PRKACB: variants seen among roughly 807,000 people sequenced by gnomAD.
PRKACB encodes cAMP-dependent protein kinase catalytic subunit beta.
In PRKACB, 16 loss-of-function variants were observed where a neutral mutation model predicts 51.4. The observed-to-expected ratio is 0.31, with a 90% CI of 0.21 to 0.47. The LOEUF is 0.47. Ranked by LOEUF, PRKACB falls within the 20% of genes least tolerant of loss-of-function variation. The pLI, the probability that PRKACB is intolerant of heterozygous loss-of-function variation, is 1.00. For missense variants in PRKACB, 309 were observed against 464.5 expected, an observed-to-expected ratio of 0.67 and a Z score of 3.08; for synonymous variants, 147 against 154.4, an observed-to-expected ratio of 0.95 and a Z score of 0.35.
chr1:84,214,055 T>C, intron 8 of PRKACB, 98 bp from the exon 9 acceptor site: 1 of 1,269,706 alleles, frequency 7.9e-7, no homozygotes, highest in Non-Finnish European at 1.1e-6. Context: ...TTTGTTTATA[T>C]AATGGCTTGT....
chr1:84,206,601 T>C (rs1671375433), intron 8 of PRKACB, among the ~76,000 whole-genome samples: 1 of 152,202 alleles, frequency 6.6e-6, no homozygotes, highest in South Asian at 2.1e-4. Flanking sequence ...AAATTTTATC[T>C]ACCAGCAACA....
intron 1 of PRKACB, among the ~76,000 whole-genome samples, chr1:84,084,332 G>C (rs1164242201): frequency 6.6e-6 from 1 of 152,106 alleles, no homozygotes. Context: ...AGGAAGAGGG[G>C]ACATTGTATA....
chr1:84,200,501 G>A (rs962607461), intron 7 of PRKACB, among the ~76,000 whole-genome samples: 1 of 152,144 alleles, frequency 6.6e-6, no homozygotes, highest in Non-Finnish European at 1.5e-5. Context: ...GATCCCACTT[G>A]ACAGTGTTTG....
At position 84,162,513 on chromosome 1, in the gene PRKACB, A is replaced by G. The variant is rs1323736122; in HGVS notation, c.188-16664A>G. Among the ~76,000 whole-genome samples the G allele has an allele frequency of 3.3e-5, 5 of 151,988 alleles. No homozygotes were observed. In the East Asian group the frequency reaches 9.7e-4, roughly 29 times the overall value. On this transcript the variant is annotated intron_variant, in intron 1 of 9. Transcript: ENST00000370685. ...GTGTTCTTCCGACTGGATGATTTCC[A>G]TTGATCTATCTTCCAGTTCACTGAT...
At chr1:84,132,759 A>G (rs1025506037) in intron 1 of PRKACB, among the ~76,000 whole-genome samples, 1 of 152,212 alleles carries the variant, frequency 6.6e-6, no homozygotes, top group Non-Finnish European at 1.5e-5. Context: ...AGGCTTATCA[A>G]TAGAATGGGC....
upstream of PRKACB, chr1:84,144,197 A>C (rs1653722047): frequency 7.6e-7 from 1 of 1,315,512 alleles, no homozygotes; most frequent in Non-Finnish European, 9.9e-7. Context: ...AAAGCTCAGT[A>C]ATGTGCTGTT....
intron 1 of PRKACB, among the ~76,000 whole-genome samples, chr1:84,108,926 G>A (rs1649995295): frequency 6.6e-6 from 1 of 151,912 alleles, no homozygotes; most frequent in African/African-American, 2.4e-5. Context: ...CAATTCAAGG[G>A]TAACCATTCT....
At chr1:84,085,909 A>G (rs1647939279) in intron 1 of PRKACB, 1 of 656,262 alleles carries the variant, frequency 1.5e-6, no homozygotes, top group African/African-American at 1.8e-5. Flanking sequence ...CACCACCAGC[A>G]TCTCCTCAAT....
intron 1 of PRKACB, among the ~76,000 whole-genome samples, chr1:84,122,866 A>G (rs895828812): frequency 2.6e-5 from 4 of 152,208 alleles, no homozygotes; most frequent in Non-Finnish European, 4.4e-5. Context: ...TTTCTGGTAC[A>G]TTACACTTTT....
intron 5 of PRKACB, 62 bp from the exon 6 acceptor site, chr1:84,196,554 T>C: frequency 6.6e-7 from 1 of 1,505,420 alleles, no homozygotes; most frequent in Non-Finnish European, 9.0e-7. Context: ...TTATGCATAA[T>C]CTACTAATTA....
Position 84,214,237 on chromosome 1 carries a change from A to T in PRKACB, c.991A>T (p.Asn331Tyr). 1 of 1,613,706 alleles carries T rather than the reference A, an allele frequency of 6.2e-7. No homozygotes were observed. Among genetic ancestry groups the T allele is most frequent in the Non-Finnish European group, 8.5e-7 (1 of 1,179,806 alleles). ...LQVDLTKRFG[N>Y]LKNGVSDIKT... ...GGTGGATTTGACCAAGAGATTTGGA[A>T]ATCTAAAGAATGGTGTCAGTGATAT... The change falls in exon 9 of 10, where the codon AAT (asparagine) becomes TAT (tyrosine). Residue 331 changes from asparagine (N) to tyrosine (Y), a missense_variant. By Grantham distance (143) the Asn-to-Tyr change is moderately radical. Transcript: ENST00000370685.
intron 9 of PRKACB, among the ~76,000 whole-genome samples, chr1:84,226,156 A>G (rs1674557342): frequency 1.3e-5 from 2 of 151,922 alleles, no homozygotes; most frequent in Admixed American, 1.3e-4. Context: ...CTCTTGCCCC[A>G]TATGCATTAT....
intron 1 of PRKACB, 78 bp downstream of exon 1, chr1:84,144,626 A>G (rs1253044565): frequency 7.2e-7 from 1 of 1,387,534 alleles, no homozygotes; most frequent in African/African-American, 1.5e-5. Context: ...AAACATAAAG[A>G]ACCCTCTTTT....
At chr1:84,220,655 T>C (rs1673564598) in intron 9 of PRKACB, among the ~76,000 whole-genome samples, 1 of 152,168 alleles carries the variant, frequency 6.6e-6, no homozygotes, top group South Asian at 2.1e-4. Context: ...GGAGGGGATG[T>C]TGGCTTTTAT....
At chr1:84,203,945 G>T (rs927459160) in intron 8 of PRKACB, among the ~76,000 whole-genome samples, 1 of 151,876 alleles carries the variant, frequency 6.6e-6, no homozygotes, top group Non-Finnish European at 1.5e-5. Context: ...CTTACCCTTG[G>T]CATCTATCAA....
At chr1:84,188,882 A>G (rs1665954188) in intron 5 of PRKACB, among the ~76,000 whole-genome samples, 1 of 151,954 alleles carries the variant, frequency 6.6e-6, no homozygotes, top group Middle Eastern at 3.2e-3. Context: ...AAACGGAGTA[A>G]CAGGTCACTG....
chr1:84,114,236 T>C (rs1212906323), intron 1 of PRKACB, among the ~76,000 whole-genome samples: 3 of 152,130 alleles, frequency 2.0e-5, no homozygotes, highest in African/African-American at 7.2e-5. Context: ...TAAAATATAG[T>C]ACATTTGAAA....
At chr1:84,156,340 G>T (rs887873298) in intron 1 of PRKACB, among the ~76,000 whole-genome samples, 4 of 152,066 alleles carry the variant, frequency 2.6e-5, no homozygotes, top group South Asian at 2.1e-4. Context: ...ACATTGTTTC[G>T]TGATTTAAAA....
At chr1:84,088,231 T>C (rs1648173506) in intron 1 of PRKACB, among the ~76,000 whole-genome samples, 1 of 152,226 alleles carries the variant, frequency 6.6e-6, no homozygotes, top group African/African-American at 2.4e-5. Flanking sequence ...CATAGTTTAA[T>C]GTTATATTCA....
Sources: gnomAD v4.1 joint callset for allele counts (sites outside exome capture counted in the v4.1 genomes callset) on GRCh38, gnomAD v4.1.1 for gene constraint, MANE v1.5 for transcripts, NCBI Gene and HGNC (gene_info 2026-07-23, HGNC 2026-07-21) for gene names.